Variants in GLRA3 observed in about 807,000 individuals in gnomAD.
The protein encoded by GLRA3 is glycine receptor subunit alpha-3.
Under a neutral mutation model 60.4 loss-of-function variants are expected in GLRA3, and 44 were observed. That is an observed-to-expected ratio of 0.73 (90% confidence interval 0.57 to 0.94). The LOEUF (loss-of-function observed/expected upper bound fraction) is 0.94. Among genes scored for constraint, GLRA3 ranks in the 40% least tolerant of loss-of-function variants. The pLI is 0.00. For synonymous variants in GLRA3, 223 were observed against 192.9 expected, an observed-to-expected ratio of 1.16 and a Z score of -1.29; for missense variants, 508 against 564.6, an observed-to-expected ratio of 0.90 and a Z score of 1.02.
intron 7 of GLRA3, among the ~76,000 whole-genome samples, chr4:174,671,238 T>C (rs1307129581): frequency 1.3e-5 from 2 of 152,168 alleles, no homozygotes; most frequent in Non-Finnish European, 2.9e-5. Context: ...AATATTAAAA[T>C]GTTATGTTTA....
chr4:174,793,565 G>A (rs1173674330), intron 1 of GLRA3, among the ~76,000 whole-genome samples: 1 of 151,874 alleles, frequency 6.6e-6, no homozygotes, highest in African/African-American at 2.4e-5. Context: ...CGATCCTCCT[G>A]TGTCAGCCGC....
chr4:174,642,021 A>G lies in GLRA3; in HGVS notation c.*1765T>C, dbSNP rs1579374795. ...TCCTCAACGTGGGTACTTACAGAGT[A>G]ACAAATTCTTTTGGTTGTGTCATTT... On this transcript the variant is annotated 3_prime_UTR_variant, in exon 10 of 10. Coordinates refer to ENST00000274093, the MANE Select transcript of GLRA3 (RefSeq NM_006529.4). 1 of 374,060 alleles carries G rather than the reference A, an allele frequency of 2.7e-6. No homozygotes were observed. Among genetic ancestry groups the G allele is most frequent in the East Asian group, 1.6e-4 (1 of 6,178 alleles). 23.2% of individuals were successfully genotyped at this position (374,060 alleles called of 1,614,324 possible).
chr4:174,659,023 T>C, intron 8 of GLRA3, 31 bp downstream of exon 8: 1 of 1,585,442 alleles, frequency 6.3e-7, no homozygotes, highest in Non-Finnish European at 8.6e-7. Flanking sequence ...AAAACTGGAT[T>C]CTGCCAAACC....
chr4:174,756,640 C>CT (rs1161025938), intron 3 of GLRA3, among the ~76,000 whole-genome samples: 74 of 23,174 alleles, frequency 3.2e-3, no homozygotes, highest in Non-Finnish European at 9.5e-3. Flanking sequence ...TAATGCCATT[C>CT]TTTTTTTTCT....
At chr4:174,720,981 A>G (rs1736106253) in intron 4 of GLRA3, among the ~76,000 whole-genome samples, 2 of 150,738 alleles carry the variant, frequency 1.3e-5, no homozygotes, top group Non-Finnish European at 3.0e-5. Flanking sequence ...ACTGTTTTTT[A>G]TATGTTTTAT....
At chr4:174,763,774 A>G (rs1293412186) in intron 3 of GLRA3, among the ~76,000 whole-genome samples, 1 of 152,166 alleles carries the variant, frequency 6.6e-6, no homozygotes, top group Non-Finnish European at 1.5e-5. Flanking sequence ...CGCCAAGACC[A>G]TGTTCCCAAA....
At chr4:174,790,865 G>C (rs1365390302) in intron 1 of GLRA3, among the ~76,000 whole-genome samples, 10 of 148,464 alleles carry the variant, frequency 6.7e-5, no homozygotes, top group Non-Finnish European at 1.2e-4. Context: ...TTAGCCGGGC[G>C]TAGTGGCGGG....
In GLRA3 at chr4:174,659,213, A is replaced by C. The variant is rs756687547; in HGVS notation, c.928-16T>G. The C allele has an allele frequency of 8.1e-6, 13 of 1,597,008 alleles. No individual in the cohort carries two copies. The South Asian group carries it at 1.5e-4, about 18-fold the overall frequency. On this transcript the variant is annotated splice_polypyrimidine_tract_variant and intron_variant, in intron 7 of 9. Coordinates refer to ENST00000274093, the MANE Select transcript of GLRA3 (RefSeq NM_006529.4). ...CATATGAAACCTAGCCAAGAGAGAA[A>C]GAGAAAGCAAGCAAATTCACTTATA...
intron 2 of GLRA3, among the ~76,000 whole-genome samples, chr4:174,775,933 GA>G (rs2111260677): frequency 6.6e-6 from 1 of 152,026 alleles, no homozygotes; most frequent in East Asian, 1.9e-4. Flanking sequence ...TATAGAGCCA[GA>G]TAAAAATGGT....
chr4:174,812,519 G>A (rs1390081765), intron 1 of GLRA3, among the ~76,000 whole-genome samples: 1 of 151,974 alleles, frequency 6.6e-6, no homozygotes, highest in Non-Finnish European at 1.5e-5. Flanking sequence ...TCTGCCTGGA[G>A]AGAGAAAATG....
At chr4:174,729,625 A>G (rs911117953) in intron 3 of GLRA3, among the ~76,000 whole-genome samples, 3 of 152,200 alleles carry the variant, frequency 2.0e-5, no homozygotes, top group African/African-American at 7.2e-5. Flanking sequence ...GTATATGTGT[A>G]GTGTTTGTAT....
chr4:174,780,612 G>A lies in GLRA3; in HGVS notation c.199+8204C>T, dbSNP rs77461851. Among the ~76,000 whole-genome samples the A allele has an allele frequency of 6.6e-3, 990 of 150,688 alleles. 2 individuals carry two copies. The highest frequency in any genetic ancestry group is 0.011 in the Non-Finnish European group (717 of 67,722). On this transcript the variant is annotated intron_variant, in intron 2 of 9. Transcript: ENST00000274093. The stretch of plus-strand genomic sequence containing the variant: ...CACATAGGCTCAAAATAAAAGGATG[G>A]AGGAAGATCTACCAAGCAAATGGAA...
At chr4:174,691,240 T>C (rs2111008583) in intron 5 of GLRA3, among the ~76,000 whole-genome samples, 1 of 152,360 alleles carries the variant, frequency 6.6e-6, no homozygotes, top group East Asian at 1.9e-4. Context: ...CCATTTTGAC[T>C]AGTGTAAGAT....
At chr4:174,798,281 C>T (rs1036898686) in intron 1 of GLRA3, among the ~76,000 whole-genome samples, 33 of 152,070 alleles carry the variant, frequency 2.2e-4, no homozygotes, top group Admixed American at 1.9e-3. Flanking sequence ...TCACTACCTC[C>T]GTGGGCCAGT....
rs185995583 is a variant in GLRA3 at position 174,789,303 on chromosome 4, A to G, written c.72-360T>C. Among the ~76,000 whole-genome samples, 13 of 152,340 alleles carry G rather than the reference A, an allele frequency of 8.5e-5. 1 individual carries two copies. In the South Asian group the frequency reaches 2.1e-3, roughly 24 times the overall value. On this transcript the variant is annotated intron_variant, in intron 1 of 9. Transcript: ENST00000274093. Reference sequence around the variant, plus strand: ...TGCTTTAGGTGTAAGAAAACATTAAAATTCAACTGTGAACTACAATCTTAT... The same window carrying G: ...TGCTTTAGGTGTAAGAAAACATTAAGATTCAACTGTGAACTACAATCTTAT...
intron 1 of GLRA3, among the ~76,000 whole-genome samples, chr4:174,789,177 A>G (rs976964878): frequency 4.6e-5 from 7 of 152,190 alleles, no homozygotes; most frequent in African/African-American, 1.7e-4. Context: ...CTTTTGTATT[A>G]GACCTGAAAA....
chr4:174,737,294 G>T (rs1181284123), intron 3 of GLRA3, among the ~76,000 whole-genome samples: 1 of 151,952 alleles, frequency 6.6e-6, no homozygotes, highest in Non-Finnish European at 1.5e-5. Flanking sequence ...CTATTTAAAG[G>T]TTCACACTTC....
Position 174,641,426 on chromosome 4 carries a change from T to C in GLRA3, c.*2360A>G, listed in dbSNP as rs1228561082. The stretch of plus-strand genomic sequence containing the variant: ...GAGGAGACACATTCCTTTAAACATA[T>C]TGGATTCAGCCACATGCACCTTGTC... On this transcript the variant is annotated 3_prime_UTR_variant, in exon 10 of 10. Transcript: ENST00000274093. 1 of 152,086 alleles carries C rather than the reference T, an allele frequency of 6.6e-6. No individual in the cohort carries two copies. Among genetic ancestry groups the C allele is most frequent in the Admixed American group, 6.6e-5 (1 of 15,238 alleles). The allele number at this position is 152,086 out of a possible 1,614,324, so 9.4% of individuals were successfully genotyped here.
At chr4:174,741,830 C>T (rs182255228) in intron 3 of GLRA3, among the ~76,000 whole-genome samples, 7 of 152,064 alleles carry the variant, frequency 4.6e-5, no homozygotes, top group African/African-American at 1.7e-4. Context: ...TATTCCAACA[C>T]TATTTGTTGA....
Sources: allele counts gnomAD v4.1 joint callset (sites outside exome capture counted in the v4.1 genomes callset), GRCh38; gene constraint gnomAD v4.1.1; transcripts MANE v1.5; gene names NCBI Gene and HGNC (gene_info 2026-07-23, HGNC 2026-07-21).